RSRC2: variants seen among roughly 807,000 people sequenced by gnomAD.
RSRC2 encodes the protein arginine/serine-rich coiled-coil protein 2.
In RSRC2, 5 loss-of-function variants were observed where a neutral mutation model predicts 61.3. That is an observed-to-expected ratio of 0.08 (90% CI 0.04 to 0.17). RSRC2 has a LOEUF of 0.17. Among genes scored for constraint, RSRC2 ranks in the 10% least tolerant of loss-of-function variants. The pLI is 1.00. For missense variants in RSRC2, 381 were observed against 518.8 expected, an observed-to-expected ratio of 0.73 and a Z score of 2.58; for synonymous variants, 202 against 166.5, an observed-to-expected ratio of 1.21 and a Z score of -1.64.
At chr12:122,516,369 C>G (rs1958926516) in intron 5 of RSRC2, among the ~76,000 whole-genome samples, 1 of 152,186 alleles carries the variant, frequency 6.6e-6, no homozygotes, top group African/African-American at 2.4e-5. Flanking sequence ...CAAGATAAAT[C>G]TAAATTGTGT....
At position 122,521,400 on chromosome 12, in the gene RSRC2, C is replaced by A; in HGVS notation, c.192G>T (p.Arg64=). The change falls in exon 3 of 10, where the codon CGG becomes CGT. Residue 64 remains arginine, a synonymous_variant. Transcript: ENST00000331738. ...TGTTAATTACCTCTTTGCTTCTGCT[C>A]CGGCTCCTGTGTTTTCTTCCTTCAT... ...SDNEGRKHRS[R]SRSKEGRRHE... 1 of 1,612,384 alleles carries A rather than the reference C, an allele frequency of 6.2e-7. No individual in the cohort carries two copies. The highest frequency in any genetic ancestry group is 1.1e-5 in the South Asian group (1 of 91,014).
Position 122,506,940 on chromosome 12 carries a change from A to T in RSRC2, c.1036-17T>A, listed in dbSNP as rs778746295. 2 of 1,338,124 alleles carry T rather than the reference A, an allele frequency of 1.5e-6. No homozygotes were observed. Among genetic ancestry groups the T allele is most frequent in the Non-Finnish European group, 2.1e-6 (2 of 935,054 alleles). 82.9% of individuals were successfully genotyped at this position (1,338,124 alleles called of 1,614,324 possible). A position where few individuals can be genotyped will look rare whatever the true frequency, so the allele number is the denominator to read the frequency against. The stretch of plus-strand genomic sequence containing the variant: ...GGATTTGTCCTGTTAACAAACACTG[A>T]ACTTTAAAATATGTAAAATTTAAAT... On this transcript the variant is annotated splice_polypyrimidine_tract_variant and intron_variant, in intron 8 of 9. Coordinates refer to ENST00000331738, the MANE Select transcript of RSRC2 (RefSeq NM_023012.6).
At chr12:122,509,129 T>C (rs1193698872) in intron 7 of RSRC2, among the ~76,000 whole-genome samples, 1 of 151,860 alleles carries the variant, frequency 6.6e-6, no homozygotes, top group Non-Finnish European at 1.5e-5. Flanking sequence ...TTTCATTTGA[T>C]GCTCACATCA....
At chr12:122,525,705 T>A (rs1406064877) in intron 1 of RSRC2, among the ~76,000 whole-genome samples, 2 of 152,050 alleles carry the variant, frequency 1.3e-5, no homozygotes, top group Admixed American at 1.3e-4. Context: ...CACAAAATAA[T>A]GTGGATCCGT....
At position 122,516,395 on chromosome 12, in the gene RSRC2, A is replaced by C. The variant is rs1958928324; in HGVS notation, c.602+832T>G. On this transcript the variant is annotated intron_variant, in intron 5 of 9. Coordinates refer to ENST00000331738, the MANE Select transcript of RSRC2 (RefSeq NM_023012.6). ...TAAATTGTGTTCATTTACAAACAAA[A>C]TCTGAGGTAGTTTGTACAATACAGT... Among the ~76,000 whole-genome samples the C allele has an allele frequency of 2.6e-5, 4 of 152,314 alleles. No homozygotes were observed. The South Asian group carries it at 8.3e-4, about 32-fold the overall frequency.
chr12:122,512,201 T>A (rs1388421885), intron 6 of RSRC2, among the ~76,000 whole-genome samples: 1 of 152,260 alleles, frequency 6.6e-6, no homozygotes, highest in African/African-American at 2.4e-5. Flanking sequence ...ACAAGCTATA[T>A]GTTAAGTTTA....
Position 122,526,912 on chromosome 12 carries a change from C to G in RSRC2, c.-59G>C. The G allele has an allele frequency of 1.2e-6, 2 of 1,606,508 alleles. No homozygotes were observed. The highest frequency in any genetic ancestry group is 1.7e-6 in the Non-Finnish European group (2 of 1,173,212). The stretch of plus-strand genomic sequence containing the variant: ...CACTTGTCGCTTTCAACAGTACCGG[C>G]CGCTCCGAAGCTTCGCCTCAGACTA... On this transcript the variant is annotated 5_prime_UTR_variant, in exon 1 of 10. Coordinates refer to ENST00000331738, the MANE Select transcript of RSRC2 (RefSeq NM_023012.6).
At chr12:122,519,753 C>G (rs915110349) in intron 3 of RSRC2, 1 of 152,414 alleles carries the variant, frequency 6.6e-6, no homozygotes, top group Non-Finnish European at 1.5e-5. Context: ...ATACATACTG[C>G]CCCCACACTT....
At chr12:122,514,047 T>C (rs1958721255) in intron 6 of RSRC2, 1 of 152,130 alleles carries the variant, frequency 6.6e-6, no homozygotes, top group South Asian at 2.1e-4. Flanking sequence ...CACCTTAATT[T>C]TGTAACGAGA....
At chr12:122,523,452 G>A (rs1253119194) in intron 1 of RSRC2, 2 of 152,208 alleles carry the variant, frequency 1.3e-5, no homozygotes, top group Admixed American at 6.5e-5. Flanking sequence ...TGAGGCAGAC[G>A]TTGAAGTGAG....
At chr12:122,511,245 T>C (rs1251965213) in intron 6 of RSRC2, 57 bp from the exon 7 acceptor site, 8 of 1,294,938 alleles carry the variant, frequency 6.2e-6, no homozygotes, top group African/African-American at 3.0e-5. Flanking sequence ...ATTATGTATA[T>C]ATCTCTCTAT....
chr12:122,508,130 G>T, intron 8 of RSRC2, 88 bp downstream of exon 8: 3 of 1,230,272 alleles, frequency 2.4e-6, no homozygotes, highest in South Asian at 1.2e-5. Context: ...AAGTTAAGCC[G>T]AAAGTAATAT....
At chr12:122,517,174 AAC>A in intron 5 of RSRC2, 51 bp downstream of exon 5, 1 of 1,609,642 alleles carries the variant, frequency 6.2e-7, no homozygotes, top group Non-Finnish European at 8.5e-7. Context: ...GAGGAAGATA[AAC>A]AGACTCTCTG....
chr12:122,511,931 T>A (rs745769069), intron 6 of RSRC2, among the ~76,000 whole-genome samples: 4 of 152,152 alleles, frequency 2.6e-5, no homozygotes, highest in Non-Finnish European at 5.9e-5. Context: ...CTCAGCCTCC[T>A]GTGTAGCCGG....
At chr12:122,522,376 G>C in intron 1 of RSRC2, 77 bp from the exon 2 acceptor site, 2 of 1,364,430 alleles carry the variant, frequency 1.5e-6, no homozygotes, top group Non-Finnish European at 2.0e-6. Flanking sequence ...GAGGGACAAA[G>C]GGAGGGAAGA....
At chr12:122,506,464 G>T (rs911418125) in intron 9 of RSRC2, 3 of 180,734 alleles carry the variant, frequency 1.7e-5, no homozygotes, top group Non-Finnish European at 3.4e-5. Context: ...TGGGGATGGA[G>T]GCTGGGCGCA....
At chr12:122,526,625 G>C (rs563662328) in intron 1 of RSRC2, among the ~76,000 whole-genome samples, 2 of 152,190 alleles carry the variant, frequency 1.3e-5, no homozygotes, top group South Asian at 4.1e-4. Context: ...GAGGAGGAAA[G>C]TTCTGGAAAA....
At chr12:122,517,178 G>A (rs538331879) in intron 5 of RSRC2, 49 bp downstream of exon 5, 1 of 1,609,694 alleles carries the variant, frequency 6.2e-7, no homozygotes, top group South Asian at 1.1e-5. Flanking sequence ...AAGATAAACA[G>A]ACTCTCTGAG....
chr12:122,526,663 C>T lies in RSRC2; in HGVS notation c.6+185G>A, dbSNP rs538051734. On this transcript the variant is annotated intron_variant, in intron 1 of 9. Coordinates refer to ENST00000331738, the MANE Select transcript of RSRC2 (RefSeq NM_023012.6). ...AAAGGCACTCCCTGCGGCTCCCCAC[C>T]CCCACCAACACCGCCTTACTTCCCC... 9.2e-5 allele frequency among the ~76,000 whole-genome samples: 14 copies of T among 152,210 alleles called. No individual in the cohort carries two copies. The East Asian group carries it at 1.5e-3, about 17-fold the overall frequency.
Sources: allele counts gnomAD v4.1 joint callset (sites outside exome capture counted in the v4.1 genomes callset), GRCh38; gene constraint gnomAD v4.1.1; transcripts MANE v1.5; gene names NCBI Gene and HGNC (gene_info 2026-07-23, HGNC 2026-07-21).